PKHD1: variants seen among roughly 807,000 people sequenced by gnomAD.
The protein encoded by PKHD1 is PKHD1 ciliary IPT domain containing fibrocystin/polyductin.
PKHD1 carries 291 observed loss-of-function variants against 412.0 expected under a neutral mutation model. That is an observed-to-expected ratio of 0.71 (90% CI 0.64 to 0.78). The LOEUF is 0.78. Ranked by LOEUF, PKHD1 falls within the 30% of genes least tolerant of loss-of-function variation. PKHD1 has a pLI of 0.00. For missense variants in PKHD1, 4,825 were observed against 4,950.7 expected (o/e 0.97, Z 0.76); for synonymous variants, 1,777 against 1,821.5 (o/e 0.98, Z 0.62).
At chr6:52,059,021 A>G (rs1808252049) in intron 15 of PKHD1, among the ~76,000 whole-genome samples, 1 of 152,136 alleles carries the variant, frequency 6.6e-6, no homozygotes, top group African/African-American at 2.4e-5. Context: ...ATTTGAGGAA[A>G]ATATTGTGAT....
chr6:51,717,122 C>T (rs1781361839), intron 60 of PKHD1, among the ~76,000 whole-genome samples: 1 of 152,206 alleles, frequency 6.6e-6, no homozygotes, highest in African/African-American at 2.4e-5. Context: ...TACGACATTC[C>T]AGTCAACAAT....
intron 46 of PKHD1, among the ~76,000 whole-genome samples, chr6:51,874,846 A>C (rs1385144438): frequency 9.4e-6 from 1 of 106,222 alleles, no homozygotes; most frequent in Non-Finnish European, 1.8e-5. Context: ...TTTCCATCTG[A>C]GGTACCGGGT....
chr6:51,749,077 G>T (rs915002712), intron 57 of PKHD1, among the ~76,000 whole-genome samples: 1 of 152,136 alleles, frequency 6.6e-6, no homozygotes, highest in Non-Finnish European at 1.5e-5. Flanking sequence ...GACACCACGT[G>T]AAAGGCCACA....
chr6:51,894,111 T>G (rs1034666233), intron 43 of PKHD1, among the ~76,000 whole-genome samples: 5 of 152,200 alleles, frequency 3.3e-5, no homozygotes, highest in African/African-American at 1.2e-4. Context: ...ATGCAGCCTC[T>G]TGACAGATAA....
intron 36 of PKHD1, among the ~76,000 whole-genome samples, chr6:51,939,577 C>T (rs563462950): frequency 2.6e-5 from 4 of 151,566 alleles, no homozygotes; most frequent in Non-Finnish European, 5.9e-5. Context: ...ACAGCATTTT[C>T]GATTTTTCCA....
At chr6:51,881,256 A>G (rs1777296658) in intron 46 of PKHD1, among the ~76,000 whole-genome samples, 2 of 152,020 alleles carry the variant, frequency 1.3e-5, no homozygotes, top group South Asian at 2.1e-4. Flanking sequence ...TATTCTGTAT[A>G]TTTGAGATTT....
At chr6:51,963,594 A>G (rs1792381511) in intron 35 of PKHD1, among the ~76,000 whole-genome samples, 1 of 152,100 alleles carries the variant, frequency 6.6e-6, no homozygotes, top group Non-Finnish European at 1.5e-5. Flanking sequence ...TAAGAATTTT[A>G]GCTCTCCTAC....
rs956368511 is a variant in PKHD1, at chr6:51,963,781, G to A, written c.5752-3755C>T. Among the ~76,000 whole-genome samples, 6 of 152,200 alleles carry A rather than the reference G, an allele frequency of 3.9e-5. No homozygotes were observed. In the East Asian group the frequency reaches 7.7e-4, roughly 20 times the overall value. On this transcript the variant is annotated intron_variant, in intron 35 of 66. Transcript: ENST00000371117. ...AGATTTTGTGAATATATTTGAGAAT[G>A]TCTCTGTTGATACCAACATATTTTT...
intron 52 of PKHD1, 152 bp downstream of exon 52, chr6:51,830,709 C>A (rs1321734558): frequency 1.4e-6 from 1 of 712,412 alleles, no homozygotes; most frequent in South Asian, 1.7e-5. Context: ...TGTTCTCCTA[C>A]ATTAACCCCC....
chr6:51,932,498 C>G (rs1786786445), intron 37 of PKHD1, among the ~76,000 whole-genome samples: 1 of 152,164 alleles, frequency 6.6e-6, no homozygotes, highest in Non-Finnish European at 1.5e-5. Flanking sequence ...CACAAATATA[C>G]ACCAACTTAT....
intron 11 of PKHD1, 123 bp downstream of exon 11, chr6:52,069,334 C>G: frequency 1.3e-6 from 1 of 789,802 alleles, no homozygotes; most frequent in Non-Finnish European, 2.3e-6. Flanking sequence ...ACCAGGCTGT[C>G]TATGATTGTA....
chr6:51,766,087 A>T (rs1788946200), intron 55 of PKHD1, among the ~76,000 whole-genome samples: 1 of 152,162 alleles, frequency 6.6e-6, no homozygotes, highest in African/African-American at 2.4e-5. Flanking sequence ...CTATTTGATT[A>T]ACGTTTGAGT....
intron 48 of PKHD1, among the ~76,000 whole-genome samples, chr6:51,859,882 T>C (rs1773917387): frequency 6.6e-6 from 1 of 152,234 alleles, no homozygotes; most frequent in South Asian, 2.1e-4. Flanking sequence ...ACATTGCACC[T>C]TCCTTTTGAG....
At chr6:51,860,886 A>G (rs1774078481) in intron 48 of PKHD1, among the ~76,000 whole-genome samples, 1 of 151,936 alleles carries the variant, frequency 6.6e-6, no homozygotes, top group Non-Finnish European at 1.5e-5. Flanking sequence ...ATCTCGGCTC[A>G]CTGCAACCTC....
At chr6:51,758,658 A>G (rs1191542644) in intron 55 of PKHD1, among the ~76,000 whole-genome samples, 1 of 152,170 alleles carries the variant, frequency 6.6e-6, no homozygotes, top group Admixed American at 6.5e-5. Flanking sequence ...CTAAATGGAA[A>G]CCATATGAGA....
intron 35 of PKHD1, among the ~76,000 whole-genome samples, chr6:51,992,533 A>G (rs770157910): frequency 3.0e-4 from 45 of 152,332 alleles, no homozygotes; most frequent in Non-Finnish European, 5.4e-4. Context: ...AAACGCTGGC[A>G]TGGCTCTCCC....
At chr6:52,016,912 T>C (rs1180687458) in intron 34 of PKHD1, among the ~76,000 whole-genome samples, 1 of 152,206 alleles carries the variant, frequency 6.6e-6, no homozygotes, top group Non-Finnish European at 1.5e-5. Flanking sequence ...AAAAAAATGC[T>C]TATACGCTTA....
intron 14 of PKHD1, among the ~76,000 whole-genome samples, chr6:52,060,336 A>G (rs576148633): frequency 6.6e-6 from 1 of 152,320 alleles, no homozygotes; most frequent in Admixed American, 6.5e-5. Flanking sequence ...ACCACCTAAC[A>G]CAGCTATTGC....
In PKHD1 at chr6:51,920,269, T is replaced by C. The variant is rs59005723; in HGVS notation, c.6122-7693A>G. 4.6e-3 allele frequency among the ~76,000 whole-genome samples: 707 copies of C among 152,378 alleles called. 9 individuals are homozygous for C. Among genetic ancestry groups the C allele is most frequent in the African/African-American group, 0.017 (687 of 41,598 alleles). ...TATGATATTGGCTGTGGGTTTGTCA[T>C]AGATAGCTCTTATGAGTTTGACATA... On this transcript the variant is annotated intron_variant, in intron 37 of 66. Transcript: ENST00000371117.
Sources: gnomAD v4.1 joint callset for allele counts (sites outside exome capture counted in the v4.1 genomes callset) on GRCh38, gnomAD v4.1.1 for gene constraint, MANE v1.5 for transcripts, NCBI Gene and HGNC (gene_info 2026-07-23, HGNC 2026-07-21) for gene names.